Variants in SPOCK3 observed in about 807,000 individuals in gnomAD.
SPOCK3 encodes testican-3.
In SPOCK3, 30 loss-of-function variants were observed where a neutral mutation model predicts 56.6. The ratio of observed to expected loss-of-function variants is 0.53; its 90% CI spans 0.40 to 0.72. The LOEUF (loss-of-function observed/expected upper bound fraction) is 0.72. Ranked by LOEUF, SPOCK3 falls within the 30% of genes least tolerant of loss-of-function variation. The pLI, the probability that SPOCK3 is intolerant of heterozygous loss-of-function variation, is 0.00. For missense variants in SPOCK3, 527 were observed against 530.0 expected (o/e 0.99, Z 0.06); for synonymous variants, 196 against 183.3 (o/e 1.07, Z -0.56).
intron 6 of SPOCK3, among the ~76,000 whole-genome samples, chr4:166,851,475 T>C (rs1318999694): frequency 6.6e-6 from 1 of 152,210 alleles, no homozygotes; most frequent in African/African-American, 2.4e-5. Flanking sequence ...GGAGAATGAC[T>C]TTGACGAGCT....
chr4:167,162,523 G>C (rs1035464519), intron 2 of SPOCK3, among the ~76,000 whole-genome samples: 2 of 152,054 alleles, frequency 1.3e-5, no homozygotes, highest in African/African-American at 4.8e-5. Flanking sequence ...ACATGTGCCC[G>C]ATGACTGCTG....
intron 6 of SPOCK3, among the ~76,000 whole-genome samples, chr4:166,816,493 A>T (rs950319642): frequency 1.3e-5 from 2 of 152,026 alleles, no homozygotes; most frequent in East Asian, 3.9e-4. Context: ...TTTATAAAGC[A>T]TTTTGTGTGT....
intron 4 of SPOCK3, among the ~76,000 whole-genome samples, chr4:166,956,340 T>C (rs566547418): frequency 2.0e-5 from 3 of 152,194 alleles, no homozygotes; most frequent in Admixed American, 6.5e-5. Flanking sequence ...ATTATAGCAA[T>C]ATGCCAGCAA....
chr4:167,195,750 C>G (rs1732884658), intron 2 of SPOCK3, among the ~76,000 whole-genome samples: 1 of 152,170 alleles, frequency 6.6e-6, no homozygotes. Context: ...TGGGATTGTT[C>G]TGTGTCTGTG....
At chr4:166,740,446 T>G (rs892770780) in intron 9 of SPOCK3, among the ~76,000 whole-genome samples, 1 of 150,958 alleles carries the variant, frequency 6.6e-6, no homozygotes, top group Non-Finnish European at 1.5e-5. Context: ...GCTTTCTTTA[T>G]GGTACATGGC....
At chr4:166,992,475 A>T (rs141986737) in intron 4 of SPOCK3, among the ~76,000 whole-genome samples, 33 of 152,296 alleles carry the variant, frequency 2.2e-4, no homozygotes, top group Admixed American at 1.4e-3. Context: ...GAACTAGAAT[A>T]ATCATTATTC....
chr4:166,975,431 A>G (rs1452761118), intron 4 of SPOCK3, among the ~76,000 whole-genome samples: 1 of 152,176 alleles, frequency 6.6e-6, no homozygotes, highest in Non-Finnish European at 1.5e-5. Flanking sequence ...CGATACAGGC[A>G]TACCATGTGC....
At chr4:167,208,511 A>C (rs1015460874) in intron 2 of SPOCK3, among the ~76,000 whole-genome samples, 6 of 152,156 alleles carry the variant, frequency 3.9e-5, no homozygotes, top group Admixed American at 3.9e-4. Flanking sequence ...AGAGTCAAAC[A>C]GGCCAAATCT....
chr4:166,791,659 T>TA (rs988738581), intron 7 of SPOCK3, among the ~76,000 whole-genome samples: 1 of 152,162 alleles, frequency 6.6e-6, no homozygotes, highest in Admixed American at 6.5e-5. Flanking sequence ...TACTGATAAT[T>TA]AAAAAAAATT....
At chr4:166,795,174 T>C (rs1013686992) in intron 6 of SPOCK3, among the ~76,000 whole-genome samples, 1 of 152,172 alleles carries the variant, frequency 6.6e-6, no homozygotes, top group South Asian at 2.1e-4. Flanking sequence ...CATCAGCTAG[T>C]GAATTCATGT....
intron 6 of SPOCK3, among the ~76,000 whole-genome samples, chr4:166,861,291 C>T (rs768479918): frequency 2.0e-5 from 3 of 152,044 alleles, no homozygotes; most frequent in Non-Finnish European, 2.9e-5. Flanking sequence ...CTTTCTCTCA[C>T]GTAGTTTAGG....
intron 8 of SPOCK3, among the ~76,000 whole-genome samples, chr4:166,752,571 TATACACACACAC>T (rs1161783242): frequency 5.3e-4 from 7 of 13,308 alleles, no homozygotes; most frequent in African/African-American, 1.6e-3. Flanking sequence ...TATATATATA[TATACACACACAC>T]ACACACACAC....
chr4:166,740,619 C>T (rs949967517), intron 9 of SPOCK3, among the ~76,000 whole-genome samples: 19 of 151,750 alleles, frequency 1.3e-4, no homozygotes, highest in South Asian at 2.1e-4. Context: ...TCTTCCTCCC[C>T]GGTTCAAGCA....
intron 10 of SPOCK3, among the ~76,000 whole-genome samples, chr4:166,736,999 C>T (rs990515115): frequency 1.3e-5 from 2 of 152,070 alleles, no homozygotes; most frequent in Non-Finnish European, 2.9e-5. Context: ...GAAACATGCT[C>T]ATATAGCTGT....
intron 5 of SPOCK3, among the ~76,000 whole-genome samples, chr4:166,892,807 G>GT (rs1734928416): frequency 6.6e-6 from 1 of 151,998 alleles, no homozygotes; most frequent in Non-Finnish European, 1.5e-5. Flanking sequence ...GTCACGGAAA[G>GT]TTATTTTACA....
intron 3 of SPOCK3, among the ~76,000 whole-genome samples, chr4:167,047,148 G>T (rs1753810826): frequency 6.6e-6 from 1 of 152,182 alleles, no homozygotes; most frequent in African/African-American, 2.4e-5. Context: ...ATTTAAAAGA[G>T]AATGCATTTA....
chr4:167,047,336 A>G (rs373841732), intron 3 of SPOCK3, among the ~76,000 whole-genome samples: 5 of 152,208 alleles, frequency 3.3e-5, no homozygotes, highest in Non-Finnish European at 5.9e-5. Flanking sequence ...AAAAATCAGG[A>G]AAGTACTATT....
intron 4 of SPOCK3, among the ~76,000 whole-genome samples, chr4:166,974,055 A>T (rs1354080778): frequency 1.3e-5 from 2 of 152,194 alleles, no homozygotes; most frequent in Non-Finnish European, 2.9e-5. Flanking sequence ...TAAAGAGTAA[A>T]CTGAAAAATA....
chr4:166,896,325 C>T (rs1437781683), intron 5 of SPOCK3, among the ~76,000 whole-genome samples: 1 of 152,098 alleles, frequency 6.6e-6, no homozygotes. Flanking sequence ...GCCCTGCCCC[C>T]ACCCATGGCT....
Sources: gnomAD v4.1 joint callset for allele counts (sites outside exome capture counted in the v4.1 genomes callset) on GRCh38, gnomAD v4.1.1 for gene constraint, MANE v1.5 for transcripts, NCBI Gene and HGNC (gene_info 2026-07-23, HGNC 2026-07-21) for gene names.